ABLIM2: variants seen among roughly 807,000 people sequenced by gnomAD.
The protein encoded by ABLIM2 is actin-binding LIM protein 2.
A neutral mutation model predicts 97.7 loss-of-function variants in ABLIM2; 53 were observed. That is an observed-to-expected ratio of 0.54 (90% CI 0.44 to 0.68). ABLIM2 has a LOEUF of 0.68. Ranked by LOEUF, ABLIM2 falls within the 30% of genes least tolerant of loss-of-function variation. The pLI is 0.00. For missense variants in ABLIM2, 835 were observed against 867.2 expected (o/e 0.96, Z 0.47); for synonymous variants, 361 against 345.8 (o/e 1.04, Z -0.49).
chr4:8,051,275 G>A (rs1025721675), intron 8 of ABLIM2, among the ~76,000 whole-genome samples: 4 of 152,190 alleles, frequency 2.6e-5, no homozygotes, highest in East Asian at 1.9e-4. Flanking sequence ...GGGGCCGGGC[G>A]TGGTAGCTCA....
chr4:7,985,236 G>T (rs996532358), intron 17 of ABLIM2, among the ~76,000 whole-genome samples: 1 of 152,208 alleles, frequency 6.6e-6, no homozygotes, highest in Admixed American at 6.5e-5. Flanking sequence ...TGGCACAGAC[G>T]ACCACTGGGG....
At position 8,069,245 on chromosome 4, in the gene ABLIM2, G is replaced by A. The variant is rs1434562935; in HGVS notation, c.676-8191C>T. On this transcript the variant is annotated intron_variant, in intron 6 of 20. Coordinates refer to ENST00000447017, the MANE Select transcript of ABLIM2 (RefSeq NM_001130083.2). The surrounding 1 kb of genome is among the most constrained non-coding windows in gnomAD (Gnocchi z 4.2). ...CAGCAGTGGCACTGGCAGACGAGCCGTCCAGTGGGGACGTTCTGAACAAGG... is the reference window on the plus strand; with the variant it reads ...CAGCAGTGGCACTGGCAGACGAGCCATCCAGTGGGGACGTTCTGAACAAGG... 1.3e-5 allele frequency among the ~76,000 whole-genome samples: 2 copies of A among 152,260 alleles called. No homozygotes were observed. Among genetic ancestry groups the A allele is most frequent in the Non-Finnish European group, 2.9e-5 (2 of 68,050 alleles).
At chr4:7,971,389 G>A (rs1185389326) in intron 20 of ABLIM2, among the ~76,000 whole-genome samples, 1 of 152,188 alleles carries the variant, frequency 6.6e-6, no homozygotes, top group Non-Finnish European at 1.5e-5. Flanking sequence ...GAAGCCTGGG[G>A]TGGGGGTCTT....
intron 20 of ABLIM2, among the ~76,000 whole-genome samples, chr4:7,980,662 C>A (rs1463979941): frequency 6.6e-6 from 1 of 151,532 alleles, no homozygotes; most frequent in Admixed American, 6.6e-5. Flanking sequence ...TTGCAGTGAG[C>A]CAAGATTGTG....
chr4:8,015,007 G>A lies in ABLIM2; in HGVS notation c.1423+4611C>T, dbSNP rs1398263491. Reference sequence around the variant, plus strand: ...ACTAACTCGGCTCACTGCAACCTCCGCCTCCCAGGTTCAAGCAATTCTCGT... The same window carrying A: ...ACTAACTCGGCTCACTGCAACCTCCACCTCCCAGGTTCAAGCAATTCTCGT... On this transcript the variant is annotated intron_variant, in intron 14 of 20. Coordinates refer to ENST00000447017, the MANE Select transcript of ABLIM2 (RefSeq NM_001130083.2). This position sits in a 1 kb window ranked among gnomAD's most constrained non-coding sequence, Gnocchi z 4.6. 1.3e-5 allele frequency among the ~76,000 whole-genome samples: 2 copies of A among 150,202 alleles called. No individual in the cohort carries two copies. The highest frequency in any genetic ancestry group is 2.1e-4 in the South Asian group (1 of 4,754).
chr4:8,069,511 C>A lies in ABLIM2; in HGVS notation c.675+8117G>T, dbSNP rs192432289. 6.6e-6 allele frequency among the ~76,000 whole-genome samples: 1 copy of A among 152,128 alleles called. No homozygotes were observed. The highest frequency in any genetic ancestry group is 2.4e-5 in the African/African-American group (1 of 41,436). ...AGGACCAGGGGCTCTGATGCGCTGCCGGCATGAGGCAAGGCAGGAAGGCAG... is the reference window on the plus strand; with the variant it reads ...AGGACCAGGGGCTCTGATGCGCTGCAGGCATGAGGCAAGGCAGGAAGGCAG... On this transcript the variant is annotated intron_variant, in intron 6 of 20. Coordinates refer to ENST00000447017, the MANE Select transcript of ABLIM2 (RefSeq NM_001130083.2). This position sits in a 1 kb window ranked among gnomAD's most constrained non-coding sequence, Gnocchi z 4.2.
intron 9 of ABLIM2, among the ~76,000 whole-genome samples, chr4:8,040,996 C>T (rs765858868): frequency 7.2e-5 from 11 of 152,218 alleles, no homozygotes; most frequent in Non-Finnish European, 1.5e-4. Context: ...CAGCATGGCA[C>T]CCCACACATT....
chr4:8,062,698 C>A (rs1804145799), intron 6 of ABLIM2, among the ~76,000 whole-genome samples: 1 of 152,160 alleles, frequency 6.6e-6, no homozygotes, highest in Non-Finnish European at 1.5e-5. Flanking sequence ...CTCAGCCTCC[C>A]AAAGTGTTGG....
chr4:8,064,312 GC>G (rs981154050), intron 6 of ABLIM2, among the ~76,000 whole-genome samples: 2 of 152,184 alleles, frequency 1.3e-5, no homozygotes, highest in African/African-American at 4.8e-5. Flanking sequence ...TGAGAGGGGG[GC>G]CCTTAAGAGG....
chr4:8,122,128 T>G lies in ABLIM2; in HGVS notation c.11-15491A>C, dbSNP rs1845753944. ...CCCCCAAGCATATACTGGCCACACC[T>G]CAGCTGCAACCCACTCCTCCCCAGG... On this transcript the variant is annotated intron_variant, in intron 1 of 20. Transcript: ENST00000447017. This position sits in a 1 kb window ranked among gnomAD's most constrained non-coding sequence, Gnocchi z 4.1. 6.6e-6 allele frequency among the ~76,000 whole-genome samples: 1 copy of G among 152,102 alleles called. No homozygotes were observed. The highest frequency in any genetic ancestry group is 2.1e-4 in the South Asian group (1 of 4,818).
Position 8,068,209 on chromosome 4 carries a change from C to T in ABLIM2, c.676-7155G>A, listed in dbSNP as rs1453447046. ...GGCAGGCGGAAGTCCCACCCTCGCC[C>T]GCGTGGGGCTCATGATGGCTCGGAT... On this transcript the variant is annotated intron_variant, in intron 6 of 20. Transcript: ENST00000447017. This position sits in a 1 kb window ranked among gnomAD's most constrained non-coding sequence, Gnocchi z 4.5. Among the ~76,000 whole-genome samples, 11 of 152,142 alleles carry T rather than the reference C, an allele frequency of 7.2e-5. No homozygotes were observed. The East Asian group carries it at 9.6e-4, about 13-fold the overall frequency.
chr4:8,038,592 C>T (rs1490739480), intron 9 of ABLIM2, among the ~76,000 whole-genome samples: 1 of 152,188 alleles, frequency 6.6e-6, no homozygotes, highest in Non-Finnish European at 1.5e-5. Context: ...CCACCTCCTC[C>T]ACGAAGTCTT....
At chr4:8,146,787 C>T (rs1017714816) in intron 1 of ABLIM2, among the ~76,000 whole-genome samples, 4 of 152,220 alleles carry the variant, frequency 2.6e-5, no homozygotes, top group Non-Finnish European at 5.9e-5. Context: ...ACCTTGGCCT[C>T]CCAAAGCGCT....
rs368859417 is a variant in ABLIM2 at position 8,005,235 on chromosome 4, C to T, written c.1618+2824G>A. On this transcript the variant is annotated intron_variant, in intron 16 of 20. Transcript: ENST00000447017. The surrounding 1 kb of genome is among the most constrained non-coding windows in gnomAD (Gnocchi z 4.9). ...TCTCTGCCTCTCTCAGCTCCCTGCA[C>T]GCTTCTCCAGGTCAGGGGCTGCTCT... The T allele has an allele frequency of 4.6e-5, 23 of 498,418 alleles. No individual in the cohort carries two copies. The highest frequency in any genetic ancestry group is 2.5e-4 in the African/African-American group (13 of 51,444). The allele number at this position is 498,418 out of a possible 1,614,324, so 30.9% of individuals were successfully genotyped here. A position where few individuals can be genotyped will look rare whatever the true frequency, so the allele number is the denominator to read the frequency against.
At chr4:8,143,758 G>T (rs1200417770) in intron 1 of ABLIM2, among the ~76,000 whole-genome samples, 1 of 152,190 alleles carries the variant, frequency 6.6e-6, no homozygotes, top group East Asian at 1.9e-4. Context: ...CCCAGCAAGA[G>T]GATCGACATG....
At chr4:7,993,602 A>G (rs917981569) in intron 16 of ABLIM2, among the ~76,000 whole-genome samples, 2 of 152,264 alleles carry the variant, frequency 1.3e-5, no homozygotes, top group Non-Finnish European at 2.9e-5. Context: ...CCTTGAGCCC[A>G]GGAGTTCGAG....
Position 7,986,748 on chromosome 4 carries a change from A to G in ABLIM2, c.1681-1855T>C, listed in dbSNP as rs975947157. 2.0e-5 allele frequency among the ~76,000 whole-genome samples: 3 copies of G among 151,624 alleles called. No individual in the cohort carries two copies. Among genetic ancestry groups the G allele is most frequent in the Non-Finnish European group, 4.4e-5 (3 of 67,892 alleles). On this transcript the variant is annotated intron_variant, in intron 17 of 20. Coordinates refer to ENST00000447017, the MANE Select transcript of ABLIM2 (RefSeq NM_001130083.2). The surrounding 1 kb of genome is among the most constrained non-coding windows in gnomAD (Gnocchi z 4.3). The stretch of plus-strand genomic sequence containing the variant: ...AGTGCAATGGCGTGATCTCGGCTCA[A>G]TGCAAACTCCACCTCCCGGGTTCAA...
At chr4:8,103,340 C>T (rs1362758658) in intron 2 of ABLIM2, among the ~76,000 whole-genome samples, 1 of 152,240 alleles carries the variant, frequency 6.6e-6, no homozygotes, top group African/African-American at 2.4e-5. Flanking sequence ...CATGCTTAAA[C>T]AAGTGCAGCT....
At chr4:8,104,990 C>T (rs188375255) in intron 2 of ABLIM2, among the ~76,000 whole-genome samples, 8 of 152,306 alleles carry the variant, frequency 5.3e-5, no homozygotes, top group South Asian at 2.1e-4. Flanking sequence ...ACCCTCAAGG[C>T]GCCTCCACAG....
Sources: allele counts gnomAD v4.1 joint callset (sites outside exome capture counted in the v4.1 genomes callset), GRCh38; gene constraint gnomAD v4.1.1; non-coding constraint Gnocchi (gnomAD v3.1); transcripts MANE v1.5; gene names NCBI Gene and HGNC (gene_info 2026-07-23, HGNC 2026-07-21).